The following DUSP13B variants were observed in gnomAD, a reference collection of about 807,000 sequenced individuals.
DUSP13B encodes dual specificity protein phosphatase 13B.
chr10:75,097,893 A>T, the DUSP13B span: 12 of 1,581,934 alleles, frequency 7.6e-6, no homozygotes, highest in Non-Finnish European at 1.0e-5. Context: ...ATCCTGGAAC[A>T]GAGTGGACAC....
chr10:75,104,001 G>T, the DUSP13B span: 1 of 1,356,188 alleles, frequency 7.4e-7, no homozygotes, highest in Non-Finnish European at 9.8e-7. Flanking sequence ...ACCATCTTCT[G>T]TGTGTCCGCC....
At chr10:75,094,861 A>G in the DUSP13B span, 3 of 1,614,144 alleles carry the variant, frequency 1.9e-6, no homozygotes, top group Non-Finnish European at 2.5e-6. Context: ...CCCATGGCAC[A>G]GTGTACCAGC....
chr10:75,103,858 C>A, the DUSP13B span: 1 of 1,280,738 alleles, frequency 7.8e-7, no homozygotes, highest in South Asian at 1.3e-5. Context: ...GGCCAAGAAG[C>A]CTGAGGGCTT....
chr10:75,103,815 C>T, the DUSP13B span: 2 of 1,136,484 alleles, frequency 1.8e-6, no homozygotes, highest in South Asian at 2.9e-5. Context: ...TCTCTCCTCC[C>T]CTCCCCACTT....
the DUSP13B span, chr10:75,095,616 G>T: frequency 6.2e-7 from 1 of 1,614,188 alleles, no homozygotes; most frequent in Non-Finnish European, 8.5e-7. Flanking sequence ...TCGAGCAACA[G>T]GCAGAAAGTA....
At chr10:75,095,525 G>A in the DUSP13B span, 2 of 1,542,238 alleles carry the variant, frequency 1.3e-6, no homozygotes, top group African/African-American at 1.4e-5. Context: ...ATAATGGAGA[G>A]TCCTAAAGCA....
chr10:75,105,778 C>A, the DUSP13B span: 5 of 1,551,380 alleles, frequency 3.2e-6, no homozygotes, highest in Admixed American at 2.0e-5. Context: ...CACCGCCTGG[C>A]GCAGGGACAG....
chr10:75,100,765 T>G, the DUSP13B span, among the ~76,000 whole-genome samples: 1 of 152,228 alleles, frequency 6.6e-6, no homozygotes, highest in African/African-American at 2.4e-5. Flanking sequence ...TGCAAGTCCA[T>G]GCACTTCTTT....
At chr10:75,103,914 G>A in the DUSP13B span, 2 of 1,313,186 alleles carry the variant, frequency 1.5e-6, no homozygotes, top group Admixed American at 4.5e-5. Context: ...TGAAGACAGT[G>A]GCTGAGAGGG....
At chr10:75,099,550 A>G in the DUSP13B span, 1 of 1,230,816 alleles carries the variant, frequency 8.1e-7, no homozygotes. Flanking sequence ...CTAGAATTCC[A>G]GGTGCTGGCT....
the DUSP13B span, chr10:75,108,958 A>G: frequency 6.5e-7 from 1 of 1,548,352 alleles, no homozygotes; most frequent in South Asian, 1.2e-5. Context: ...GCGACCAAGA[A>G]CTGCCTCTCC....
the DUSP13B span, chr10:75,094,755 T>C: frequency 1.2e-6 from 2 of 1,614,166 alleles, no homozygotes; most frequent in Non-Finnish European, 1.7e-6. Context: ...AGGGCAGATA[T>C]TGCGGTGGGC....
the DUSP13B span, chr10:75,101,795 G>T: frequency 9.1e-6 from 8 of 880,812 alleles, no homozygotes; most frequent in Non-Finnish European, 1.4e-5. Flanking sequence ...AGGCACAAGT[G>T]TCCTGGCCCT....
At chr10:75,103,912 G>A in the DUSP13B span, 1 of 1,312,850 alleles carries the variant, frequency 7.6e-7, no homozygotes, top group Non-Finnish European at 1.0e-6. Flanking sequence ...ACTGAAGACA[G>A]TGGCTGAGAG....
At chr10:75,097,601 G>A in the DUSP13B span, 2 of 1,014,586 alleles carry the variant, frequency 2.0e-6, no homozygotes, top group Non-Finnish European at 2.7e-6. Context: ...ACGGTGGGAG[G>A]CAAGCGTGCC....
At chr10:75,104,701 C>T in the DUSP13B span, among the ~76,000 whole-genome samples, 1 of 152,184 alleles carries the variant, frequency 6.6e-6, no homozygotes, top group African/African-American at 2.4e-5. Context: ...AATCTCAAGC[C>T]CAGCTATAAC....
the DUSP13B span, chr10:75,099,146 C>T: frequency 8.1e-7 from 1 of 1,232,274 alleles, no homozygotes; most frequent in Non-Finnish European, 1.0e-6. Flanking sequence ...TTCAGCGGCA[C>T]CAGAATATGG....
At chr10:75,096,207 A>C in the DUSP13B span, among the ~76,000 whole-genome samples, 8 of 152,154 alleles carry the variant, frequency 5.3e-5, no homozygotes. Context: ...GTGAGCCAAG[A>C]TTATGCCACT....
chr10:75,107,876 C>A, the DUSP13B span: 1 of 1,279,418 alleles, frequency 7.8e-7, no homozygotes. Context: ...CACACACGGC[C>A]TAAGCAGAGG....
Sources: allele counts gnomAD v4.1 joint callset (sites outside exome capture counted in the v4.1 genomes callset), GRCh38; gene constraint gnomAD v4.1.1; transcripts MANE v1.5; gene names NCBI Gene and HGNC (gene_info 2026-07-23, HGNC 2026-07-21).